Variants in WDR7 observed in about 807,000 individuals in gnomAD.
WDR7 encodes WD repeat-containing protein 7.
WDR7 carries 46 observed loss-of-function variants against 169.4 expected under a neutral mutation model. That is an observed-to-expected ratio of 0.27 (90% CI 0.21 to 0.35). The LOEUF (loss-of-function observed/expected upper bound fraction) is 0.35. WDR7 is among the 10% of genes least tolerant of loss of function. The pLI is 1.00. For synonymous variants in WDR7, 612 were observed against 666.8 expected (o/e 0.92, Z 1.27); for missense variants, 1,534 against 1,859.3 (o/e 0.83, Z 3.22).
chr18:56,902,521 ACT>A (rs746394322), intron 21 of WDR7, among the ~76,000 whole-genome samples: 19 of 152,248 alleles, frequency 1.2e-4, no homozygotes, highest in Non-Finnish European at 1.9e-4. Context: ...ACAGATGGAA[ACT>A]CTGTGATTTT....
At chr18:56,817,403 C>T (rs1336173242) in intron 20 of WDR7, among the ~76,000 whole-genome samples, 1 of 151,720 alleles carries the variant, frequency 6.6e-6, no homozygotes, top group Non-Finnish European at 1.5e-5. Flanking sequence ...TCCTCCTTCC[C>T]TCCCACCCTC....
chr18:56,859,736 A>C (rs2045775636), intron 20 of WDR7, among the ~76,000 whole-genome samples: 1 of 152,220 alleles, frequency 6.6e-6, no homozygotes, highest in Non-Finnish European at 1.5e-5. Context: ...TGTGCAGTGA[A>C]CATTTGTGAC....
At chr18:56,743,695 T>C (rs1053629726) in intron 14 of WDR7, among the ~76,000 whole-genome samples, 1 of 152,154 alleles carries the variant, frequency 6.6e-6, no homozygotes, top group Non-Finnish European at 1.5e-5. Context: ...TATAATACTT[T>C]TGAAATGTGT....
At chr18:56,975,201 A>C (rs1568295708) in intron 26 of WDR7, among the ~76,000 whole-genome samples, 1 of 151,386 alleles carries the variant, frequency 6.6e-6, no homozygotes, top group Non-Finnish European at 1.5e-5. Context: ...ACGCCACTGC[A>C]CTCCAGCCTA....
rs545430284 is a variant in WDR7 at position 56,938,633 on chromosome 18, A to C, written c.3932A>C (p.Glu1311Ala). ...RAKGEILRVI[E>A]ILIEKMPTDV... is the part of the protein sequence containing the mutation. The stretch of plus-strand genomic sequence containing the variant: ...AAAGGGGAAATTTTGAGAGTCATTG[A>C]AATTCTTATTGAAAAGATGCCCACA... The change falls in exon 24 of 28, where the codon GAA (glutamate) becomes GCA (alanine). Residue 1311 changes from glutamate to alanine, a missense_variant. Glu to Ala is a moderately radical substitution (Grantham distance 107). Coordinates refer to ENST00000254442, the MANE Select transcript of WDR7 (RefSeq NM_015285.3). 1.2e-6 allele frequency: 2 copies of C among 1,613,640 alleles called. No individual in the cohort carries two copies. The highest frequency in any genetic ancestry group is 2.2e-5 in the South Asian group (2 of 90,900).
intron 21 of WDR7, among the ~76,000 whole-genome samples, chr18:56,897,711 A>G (rs184762414): frequency 6.6e-6 from 1 of 152,064 alleles, no homozygotes; most frequent in Admixed American, 6.6e-5. Flanking sequence ...GTACACTTTG[A>G]TTCAGTCTTG....
intron 22 of WDR7, among the ~76,000 whole-genome samples, chr18:56,934,413 G>A (rs1021036902): frequency 6.6e-6 from 1 of 151,870 alleles, no homozygotes; most frequent in African/African-American, 2.4e-5. Context: ...GCAGGGAGGT[G>A]GGGAGATGCC....
chr18:56,818,904 A>G lies in WDR7; in HGVS notation c.3304+2760A>G, dbSNP rs145258286. 7.2e-5 allele frequency among the ~76,000 whole-genome samples: 11 copies of G among 152,322 alleles called. No individual in the cohort carries two copies. In the East Asian group the frequency reaches 1.7e-3, roughly 24 times the overall value. On this transcript the variant is annotated intron_variant, in intron 20 of 27. Coordinates refer to ENST00000254442, the MANE Select transcript of WDR7 (RefSeq NM_015285.3). ...AATATTTCTTCATAAAATAAGTAGT[A>G]ATTATATCATGACAGGTATTTGCCT...
intron 26 of WDR7, among the ~76,000 whole-genome samples, chr18:56,970,208 A>G (rs2047463624): frequency 6.7e-6 from 1 of 150,316 alleles, no homozygotes; most frequent in Non-Finnish European, 1.5e-5. Flanking sequence ...ATCTGTTGAA[A>G]TTGCTTTCTT....
intron 21 of WDR7, among the ~76,000 whole-genome samples, chr18:56,917,952 C>A (rs938348090): frequency 6.6e-6 from 1 of 152,112 alleles, no homozygotes; most frequent in Admixed American, 6.5e-5. Context: ...TTATTCTTGA[C>A]AGCATAACAG....
chr18:56,665,158 T>C (rs543104402), intron 1 of WDR7, among the ~76,000 whole-genome samples: 2 of 152,070 alleles, frequency 1.3e-5, no homozygotes, highest in South Asian at 4.1e-4. Context: ...TTAGGACTAG[T>C]AGCGGGCGCC....
intron 1 of WDR7, among the ~76,000 whole-genome samples, chr18:56,666,353 G>A (rs12959570): frequency 0.61 from 92,572 of 151,620 alleles, 33,017 homozygotes; most frequent in Non-Finnish European, 0.78. Flanking sequence ...ACAGGCATGC[G>A]CCACCATGCC....
At chr18:56,887,984 C>T (rs1056768451) in intron 21 of WDR7, among the ~76,000 whole-genome samples, 2 of 151,816 alleles carry the variant, frequency 1.3e-5, no homozygotes, top group Non-Finnish European at 2.9e-5. Context: ...TTTATGGCAT[C>T]CTATTGAATG....
chr18:56,922,240 C>T (rs921751921), intron 21 of WDR7, among the ~76,000 whole-genome samples: 1 of 152,112 alleles, frequency 6.6e-6, no homozygotes, highest in African/African-American at 2.4e-5. Flanking sequence ...AAAGGCAGAC[C>T]TATTTTTCAT....
chr18:56,773,308 A>C (rs1345603288), intron 16 of WDR7, among the ~76,000 whole-genome samples: 5 of 151,770 alleles, frequency 3.3e-5, no homozygotes, highest in Admixed American at 1.3e-4. Context: ...ATTACTACAC[A>C]TACAAGGTTG....
intron 20 of WDR7, among the ~76,000 whole-genome samples, chr18:56,830,482 A>G (rs1489439497): frequency 6.6e-6 from 1 of 152,220 alleles, no homozygotes; most frequent in Non-Finnish European, 1.5e-5. Flanking sequence ...CTTCTAAAAA[A>G]TAGGAAAAGA....
intron 12 of WDR7, among the ~76,000 whole-genome samples, chr18:56,705,648 A>G (rs980183801): frequency 6.6e-6 from 1 of 152,182 alleles, no homozygotes; most frequent in African/African-American, 2.4e-5. Flanking sequence ...ATAGTACTTG[A>G]TAATACTTGG....
chr18:56,987,555 A>G (rs2145847609), intron 26 of WDR7, among the ~76,000 whole-genome samples: 1 of 152,320 alleles, frequency 6.6e-6, no homozygotes, highest in East Asian at 1.9e-4. Context: ...CAAGTGCACC[A>G]TATCTGAAGC....
At chr18:56,788,240 T>G (rs1316090342) in intron 19 of WDR7, among the ~76,000 whole-genome samples, 10 of 152,220 alleles carry the variant, frequency 6.6e-5, no homozygotes, top group Non-Finnish European at 7.3e-5. Context: ...TACCACCACT[T>G]GCTTATTGAA....
Sources: allele counts gnomAD v4.1 joint callset (sites outside exome capture counted in the v4.1 genomes callset), GRCh38; gene constraint gnomAD v4.1.1; transcripts MANE v1.5; gene names NCBI Gene and HGNC (gene_info 2026-07-23, HGNC 2026-07-21).